MEMO1: variants seen among roughly 807,000 people sequenced by gnomAD.
The protein encoded by MEMO1 is protein MEMO1.
MEMO1 carries 6 observed loss-of-function variants against 45.2 expected under a neutral mutation model. The observed-to-expected ratio is 0.13, with a 90% CI of 0.07 to 0.26. MEMO1 has a LOEUF of 0.26. Among genes scored for constraint, MEMO1 ranks in the 10% least tolerant of loss-of-function variants. The pLI is 1.00. For missense variants in MEMO1, 184 were observed against 370.5 expected, an observed-to-expected ratio of 0.50 and a Z score of 4.13; for synonymous variants, 78 against 124.3, an observed-to-expected ratio of 0.63 and a Z score of 2.48.
intron 2 of MEMO1, among the ~76,000 whole-genome samples, chr2:31,952,282 CTATACTGTATTTCA>C (rs1440903775): frequency 1.3e-5 from 2 of 152,076 alleles, no homozygotes; most frequent in African/African-American, 2.4e-5. Context: ...ACATTTTTGG[CTATACTGTATTTCA>C]GAATACAATA....
At chr2:31,984,559 C>T (rs190897804) in intron 2 of MEMO1, among the ~76,000 whole-genome samples, 1 of 152,330 alleles carries the variant, frequency 6.6e-6, no homozygotes, top group Admixed American at 6.5e-5. Flanking sequence ...CCTGTAATCT[C>T]AGCACTTTGG....
chr2:31,977,188 C>A (rs1457302975), intron 2 of MEMO1, among the ~76,000 whole-genome samples: 5 of 152,086 alleles, frequency 3.3e-5, no homozygotes, highest in African/African-American at 7.2e-5. Context: ...AAATTCAGTT[C>A]ATGAAACAAA....
chr2:31,949,892 A>AATAT (rs112446575), intron 2 of MEMO1, among the ~76,000 whole-genome samples: 6 of 151,894 alleles, frequency 4.0e-5, no homozygotes, highest in African/African-American at 1.5e-4. Context: ...ACCTCCCATA[A>AATAT]ATATATATAC....
intron 2 of MEMO1, among the ~76,000 whole-genome samples, chr2:31,980,220 C>T (rs1047053565): frequency 3.3e-5 from 5 of 152,196 alleles, no homozygotes; most frequent in East Asian, 1.9e-4. Context: ...TTGCTTGAAG[C>T]CATGAGCTGG....
At chr2:31,935,490 G>A (rs997093873) in intron 3 of MEMO1, among the ~76,000 whole-genome samples, 1 of 152,072 alleles carries the variant, frequency 6.6e-6, no homozygotes, top group South Asian at 2.1e-4. Context: ...GACAGTTACA[G>A]GGAGAGAAGG....
At chr2:31,948,984 C>A (rs897254146) in intron 2 of MEMO1, among the ~76,000 whole-genome samples, 1 of 152,072 alleles carries the variant, frequency 6.6e-6, no homozygotes, top group African/African-American at 2.4e-5. Flanking sequence ...AGAAGATATA[C>A]AATGGCAAAC....
At chr2:31,969,621 GTGT>G in intron 2 of MEMO1, among the ~76,000 whole-genome samples, 1 of 150,152 alleles carries the variant, frequency 6.7e-6, no homozygotes, top group African/African-American at 2.5e-5. Flanking sequence ...GTGTGTGTGT[GTGT>G]GTGTGTGTGT....
At chr2:31,997,813 T>C (rs1432296441) in intron 2 of MEMO1, among the ~76,000 whole-genome samples, 1 of 152,150 alleles carries the variant, frequency 6.6e-6, no homozygotes, top group Non-Finnish European at 1.5e-5. Flanking sequence ...GAAAAGGATA[T>C]TATCGAATCT....
intron 3 of MEMO1, among the ~76,000 whole-genome samples, chr2:31,938,670 A>C (rs1187956833): frequency 6.6e-6 from 1 of 152,102 alleles, no homozygotes; most frequent in African/African-American, 2.4e-5. Flanking sequence ...TAAAAAATAA[A>C]AACTAAGAAA....
intron 6 of MEMO1, among the ~76,000 whole-genome samples, chr2:31,912,259 C>T (rs1461126909): frequency 6.6e-6 from 1 of 151,988 alleles, no homozygotes; most frequent in African/African-American, 2.4e-5. Context: ...TCGCTTGAAC[C>T]TGGGAGGTGG....
Position 31,933,345 on chromosome 2 carries a change from AAAAATT to A in MEMO1, c.144-1216_144-1211del, listed in dbSNP as rs1558514216. Reference sequence around the variant, plus strand: ...AAAAAAAAAAAAAAAAAAAAAAAAAAAAAATTTATATATATATATATATATATATAT... The same window carrying A: ...AAAAAAAAAAAAAAAAAAAAAAAAAATATATATATATATATATATATATAT... On this transcript the variant is annotated intron_variant, in intron 3 of 9. Coordinates refer to ENST00000404530, the MANE Select transcript of MEMO1 (RefSeq NM_001301833.4). 1.6e-3 allele frequency among the ~76,000 whole-genome samples: 56 copies of A among 34,076 alleles called. 1 individual carries two copies. The highest frequency in any genetic ancestry group is 1.9e-3 in the African/African-American group (15 of 8,086). The allele number at this position is 34,076 out of a possible 152,430, so 22.4% of individuals were successfully genotyped here.
intron 6 of MEMO1, among the ~76,000 whole-genome samples, chr2:31,900,541 G>A (rs1678630256): frequency 6.6e-6 from 1 of 151,932 alleles, no homozygotes; most frequent in African/African-American, 2.4e-5. Flanking sequence ...GGGAGTGGGG[G>A]ACTAGGGGAG....
Position 31,953,362 on chromosome 2 carries a change from G to A in MEMO1, c.62-9979C>T, listed in dbSNP as rs554845540. Among the ~76,000 whole-genome samples, 6 of 113,684 alleles carry A rather than the reference G, an allele frequency of 5.3e-5. No individual in the cohort carries two copies. The South Asian group carries it at 1.5e-3, about 29-fold the overall frequency. 74.6% of individuals were successfully genotyped at this position (113,684 alleles called of 152,430 possible). On this transcript the variant is annotated intron_variant, in intron 2 of 9. Transcript: ENST00000404530. ...AGCCTGGGTGATAGAGTGAAACTCC[G>A]TCTCAAAAAAAAAAAAAAAAAAACA...
intron 8 of MEMO1, among the ~76,000 whole-genome samples, chr2:31,872,045 A>ACACACACACACACG (rs1553355618): frequency 3.3e-5 from 5 of 151,698 alleles, no homozygotes; most frequent in Admixed American, 2.0e-4. Flanking sequence ...ACACACACAC[A>ACACACACACACACG]AAGTTAAACC....
intron 2 of MEMO1, chr2:31,963,025 C>A: frequency 8.4e-7 from 1 of 1,189,238 alleles, no homozygotes; most frequent in Non-Finnish European, 1.1e-6. Flanking sequence ...AGCCTTCAAG[C>A]AACAACATCA....
chr2:31,976,815 A>G (rs1179263881), intron 2 of MEMO1, among the ~76,000 whole-genome samples: 2 of 152,148 alleles, frequency 1.3e-5, no homozygotes, highest in African/African-American at 2.4e-5. Flanking sequence ...CAGATTATAA[A>G]CGAGATTTAT....
intron 8 of MEMO1, among the ~76,000 whole-genome samples, chr2:31,882,026 C>A (rs902689538): frequency 3.3e-5 from 5 of 151,960 alleles, no homozygotes; most frequent in African/African-American, 9.7e-5. Context: ...GCGCCTGTGT[C>A]CCAGCTACTC....
At chr2:31,974,529 G>A (rs1397515884) in intron 2 of MEMO1, among the ~76,000 whole-genome samples, 2 of 152,036 alleles carry the variant, frequency 1.3e-5, no homozygotes, top group Admixed American at 6.6e-5. Flanking sequence ...GGTGGATCAC[G>A]AGGTCAACAG....
At chr2:31,949,288 A>G (rs1379889155) in intron 2 of MEMO1, among the ~76,000 whole-genome samples, 1 of 152,194 alleles carries the variant, frequency 6.6e-6, no homozygotes, top group Non-Finnish European at 1.5e-5. Context: ...GGAAATCACT[A>G]TATTGAAGGG....
Sources: gnomAD v4.1 joint callset for allele counts (sites outside exome capture counted in the v4.1 genomes callset) on GRCh38, gnomAD v4.1.1 for gene constraint, MANE v1.5 for transcripts, NCBI Gene and HGNC (gene_info 2026-07-23, HGNC 2026-07-21) for gene names.